The following LRIT3 variants were observed in gnomAD, a reference collection of about 807,000 sequenced individuals.
The protein encoded by LRIT3 is leucine rich repeat, Ig-like and transmembrane domains 3, also known as leucine-rich repeat, immunoglobulin-like domain and transmembrane domain-containing protein 3.
In LRIT3, 14 loss-of-function variants were observed where a neutral mutation model predicts 22.6. The observed-to-expected ratio is 0.62, with a 90% CI of 0.41 to 0.97. LRIT3 has a LOEUF of 0.97. LRIT3 is among the 50% of genes least tolerant of loss of function. LRIT3 has a pLI of 0.00. For missense variants in LRIT3, 783 were observed against 803.0 expected (o/e 0.98, Z 0.30); for synonymous variants, 306 against 304.5 (o/e 1.01, Z -0.05).
intron 2 of LRIT3, among the ~76,000 whole-genome samples, chr4:109,856,622 A>G (rs1734407991): frequency 6.6e-6 from 1 of 152,180 alleles, no homozygotes; most frequent in Admixed American, 6.6e-5. Context: ...ACTGATTCCC[A>G]ATTGTGAACA....
At position 109,870,094 on chromosome 4, in the gene LRIT3, A is replaced by T; in HGVS notation, c.1345A>T (p.Lys449Ter). 1 of 1,614,214 alleles carries T rather than the reference A, an allele frequency of 6.2e-7. No homozygotes were observed. Among genetic ancestry groups the T allele is most frequent in the African/African-American group, 1.3e-5 (1 of 75,058 alleles). ...ATCATTCCAGCTCCACCAAGGTGGGAAAAGAAATTTAAAGGTGGCAAAGAA... is the reference window on the plus strand; with the variant it reads ...ATCATTCCAGCTCCACCAAGGTGGGTAAAGAAATTTAAAGGTGGCAAAGAA... ...KRSFQLHQGG[K>*]RNLKVAKNGS... Residue 449 changes from lysine (K) to a stop codon, truncating the protein, a stop_gained, in exon 4 of 4, where the codon AAA becomes TAA. Transcript: ENST00000594814. LOFTEE classifies it low-confidence loss of function (END_TRUNC).
intron 1 of LRIT3, among the ~76,000 whole-genome samples, chr4:109,849,335 G>C (rs1220814306): frequency 6.6e-6 from 1 of 152,144 alleles, no homozygotes; most frequent in Non-Finnish European, 1.5e-5. Context: ...TCAGGCCAGG[G>C]TACTTTTGAG....
rs528459961 is a variant in LRIT3 at position 109,870,078 on chromosome 4, G to A, written c.1329G>A (p.Gln443=). ...CCATGGCCAACAAGCGATCATTCCA[G>A]CTCCACCAAGGTGGGAAAAGAAATT... ...STTMANKRSF[Q]LHQGGKRNLK... Residue 443 remains glutamine (Q), a synonymous_variant, in exon 4 of 4, where the codon CAG becomes CAA. Transcript: ENST00000594814. The A allele has an allele frequency of 2.7e-4, 435 of 1,614,130 alleles. 6 individuals carry two copies. In the South Asian group the frequency reaches 4.6e-3, roughly 17 times the overall value.
At chr4:109,859,263 TG>T (rs918631143) in intron 2 of LRIT3, among the ~76,000 whole-genome samples, 2 of 151,802 alleles carry the variant, frequency 1.3e-5, no homozygotes, top group African/African-American at 4.8e-5. Context: ...TTAGTGAGGG[TG>T]GGGGTAGGTT....
At position 109,870,180 on chromosome 4, in the gene LRIT3, A is replaced by G. The variant is rs1734793672; in HGVS notation, c.1431A>G (p.Gln477=). 1 of 1,614,256 alleles carries G rather than the reference A, an allele frequency of 6.2e-7. No homozygotes were observed. Among genetic ancestry groups the G allele is most frequent in the Non-Finnish European group, 8.5e-7 (1 of 1,180,032 alleles). ...AAGAAGAGCTGGCATTGTTGGATCA[A>G]ACAATGCTTACGGAGACAAATGCCG... ...SKKEELALLD[Q]TMLTETNAAI... The change falls in exon 4 of 4, where the codon CAA becomes CAG. Residue 477 remains glutamine (Q), a synonymous_variant. Transcript: ENST00000594814.
intron 1 of LRIT3, among the ~76,000 whole-genome samples, chr4:109,849,521 T>C (rs1734157239): frequency 6.6e-6 from 1 of 152,244 alleles, no homozygotes; most frequent in Admixed American, 6.5e-5. Flanking sequence ...CATATAATTG[T>C]GTTGATGTAG....
chr4:109,858,821 A>G (rs1255218622), intron 2 of LRIT3, among the ~76,000 whole-genome samples: 2 of 152,164 alleles, frequency 1.3e-5, no homozygotes, highest in African/African-American at 4.8e-5. Flanking sequence ...CTTGTGGGTT[A>G]TAAGGAATAC....
At chr4:109,861,513 G>A (rs754088537) in intron 2 of LRIT3, among the ~76,000 whole-genome samples, 1 of 151,904 alleles carries the variant, frequency 6.6e-6, no homozygotes, top group East Asian at 1.9e-4. Flanking sequence ...CAGCTATTCT[G>A]GGGGGTGGGT....
intron 2 of LRIT3, among the ~76,000 whole-genome samples, chr4:109,866,994 A>G (rs1318266210): frequency 6.6e-6 from 1 of 152,114 alleles, no homozygotes; most frequent in Non-Finnish European, 1.5e-5. Context: ...AGACTTCTCT[A>G]CTGCCATTGC....
intron 1 of LRIT3, among the ~76,000 whole-genome samples, chr4:109,850,899 T>C (rs776720826): frequency 5.3e-5 from 8 of 152,214 alleles, no homozygotes; most frequent in Non-Finnish European, 8.8e-5. Context: ...GAAAGCAATG[T>C]GCAAGTCACG....
At chr4:109,867,329 A>G (rs1213299724) in intron 2 of LRIT3, among the ~76,000 whole-genome samples, 6 of 152,146 alleles carry the variant, frequency 3.9e-5, no homozygotes, top group African/African-American at 1.4e-4. Flanking sequence ...AGGAATAATA[A>G]TATCATTTTC....
intron 2 of LRIT3, among the ~76,000 whole-genome samples, chr4:109,860,385 A>G (rs1734506913): frequency 6.6e-6 from 1 of 152,158 alleles, no homozygotes; most frequent in Non-Finnish European, 1.5e-5. Context: ...ATCTCTGTAG[A>G]TGTGCCCCAC....
chr4:109,863,471 T>G (rs564845964), intron 2 of LRIT3, among the ~76,000 whole-genome samples: 1 of 152,318 alleles, frequency 6.6e-6, no homozygotes, highest in South Asian at 2.1e-4. Flanking sequence ...TTAGTGCCGT[T>G]GTTCTTTGAT....
rs1373096315 is a variant in LRIT3 at position 109,867,948 on chromosome 4, T to C, written c.895+2T>C. On this transcript the variant is annotated splice_donor_variant, in intron 3 of 3. Transcript: ENST00000594814. LOFTEE classifies it high-confidence loss of function. ...ACAGCTCGCCAGTTAATTATACAGGTATTTTCTTAATTCAGCCCCATGATC... is the reference window on the plus strand; with the variant it reads ...ACAGCTCGCCAGTTAATTATACAGGCATTTTCTTAATTCAGCCCCATGATC... 2 of 1,604,342 alleles carry C rather than the reference T, an allele frequency of 1.2e-6. No individual in the cohort carries two copies. The highest frequency in any genetic ancestry group is 1.7e-6 in the Non-Finnish European group (2 of 1,173,768).
At chr4:109,855,405 T>C (rs942630922) in intron 2 of LRIT3, among the ~76,000 whole-genome samples, 4 of 152,230 alleles carry the variant, frequency 2.6e-5, no homozygotes, top group Non-Finnish European at 5.9e-5. Flanking sequence ...TCATTTTTTA[T>C]TGAGTCTATT....
chr4:109,856,722 A>G (rs1291705309), intron 2 of LRIT3, among the ~76,000 whole-genome samples: 1 of 152,132 alleles, frequency 6.6e-6, no homozygotes, highest in African/African-American at 2.4e-5. Flanking sequence ...TCTTAATTCT[A>G]TCTCCCATCC....
Position 109,851,546 on chromosome 4 carries a change from G to A in LRIT3, c.159G>A (p.Thr53=), listed in dbSNP as rs1207745563. Residue 53 remains threonine, a synonymous_variant, in exon 2 of 4, where the codon ACG becomes ACA. Coordinates refer to ENST00000594814, the MANE Select transcript of LRIT3 (RefSeq NM_198506.5). ...CNDMDMNELP[T]NLPVDTVKLR... ...ACATGGATATGAACGAGCTGCCTAC[G>A]AACCTCCCCGTGGACACTGTGAAGC... 2.3e-5 allele frequency: 36 copies of A among 1,550,356 alleles called. No homozygotes were observed. Among genetic ancestry groups the A allele is most frequent in the Non-Finnish European group, 3.0e-5 (34 of 1,146,110 alleles).
intron 2 of LRIT3, among the ~76,000 whole-genome samples, chr4:109,858,334 G>A (rs1427869175): frequency 1.3e-5 from 2 of 152,156 alleles, no homozygotes; most frequent in East Asian, 3.8e-4. Context: ...GTTCAGGATG[G>A]CTGACTGGAT....
At position 109,857,257 on chromosome 4, in the gene LRIT3, C is replaced by CT. The variant is rs568078987; in HGVS notation, c.589+5287dup. Among the ~76,000 whole-genome samples the CT allele has an allele frequency of 7.3e-3, 968 of 132,144 alleles. 7 individuals are homozygous for CT. Among genetic ancestry groups the CT allele is most frequent in the African/African-American group, 0.027 (904 of 33,918 alleles). 86.7% of individuals were successfully genotyped at this position (132,144 alleles called of 152,430 possible). ...AGTATATATATTTTGGGATGGTACT[C>CT]TTTTTTGTGAATGTGGGGTGGGGGG... On this transcript the variant is annotated intron_variant, in intron 2 of 3. Transcript: ENST00000594814.
Sources: allele counts gnomAD v4.1 joint callset (sites outside exome capture counted in the v4.1 genomes callset), GRCh38; gene constraint gnomAD v4.1.1; transcripts MANE v1.5; gene names NCBI Gene and HGNC (gene_info 2026-07-23, HGNC 2026-07-21).